The following SIMC1 variants were observed in gnomAD, a reference collection of about 807,000 sequenced individuals.
The protein encoded by SIMC1 is SUMO-interacting motif-containing protein 1.
SIMC1 carries 55 observed loss-of-function variants against 82.3 expected under a neutral mutation model. The ratio of observed to expected loss-of-function variants is 0.67; its 90% CI spans 0.54 to 0.84. The LOEUF is 0.84. SIMC1 is among the 40% of genes least tolerant of loss of function. SIMC1 has a pLI of 0.00. For missense variants in SIMC1, 915 were observed against 1,107.2 expected (o/e 0.83, Z 2.46); for synonymous variants, 353 against 426.3 (o/e 0.83, Z 2.12).
At chr5:176,283,215 A>T (rs1056117689) in intron 1 of SIMC1, among the ~76,000 whole-genome samples, 100 of 152,212 alleles carry the variant, frequency 6.6e-4, no homozygotes, top group African/African-American at 2.3e-3. Flanking sequence ...TCTGAGACAC[A>T]TAATTGTCAG....
intron 4 of SIMC1, among the ~76,000 whole-genome samples, chr5:176,297,036 T>C (rs1289412169): frequency 1.3e-5 from 2 of 152,178 alleles, no homozygotes; most frequent in Non-Finnish European, 2.9e-5. Context: ...CAGAGAGGTC[T>C]TGGATTTAGA....
chr5:176,254,945 AG>A (rs1430800957), intron 1 of SIMC1, among the ~76,000 whole-genome samples: 2 of 152,118 alleles, frequency 1.3e-5, no homozygotes, highest in African/African-American at 4.8e-5. Context: ...CTTAAGAGAA[AG>A]AAAAGGTTTC....
At chr5:176,253,925 A>G (rs1022190352) in intron 1 of SIMC1, among the ~76,000 whole-genome samples, 1 of 152,186 alleles carries the variant, frequency 6.6e-6, no homozygotes, top group Admixed American at 6.5e-5. Flanking sequence ...GAATAAATCA[A>G]ATGACCACGG....
In SIMC1 at chr5:176,300,163, A is replaced by G. The variant is rs1010223285; in HGVS notation, c.1734+3843A>G. ...TGTAAATAAATGCTTGCACTGAAAAAGAAAGATCTCAAACCAACAACCTGA... is the reference window on the plus strand; with the variant it reads ...TGTAAATAAATGCTTGCACTGAAAAGGAAAGATCTCAAACCAACAACCTGA... On this transcript the variant is annotated intron_variant, in intron 4 of 9. Transcript: ENST00000429602. Among the ~76,000 whole-genome samples, 4 of 152,250 alleles carry G rather than the reference A, an allele frequency of 2.6e-5. No homozygotes were observed. The South Asian group carries it at 8.3e-4, about 31-fold the overall frequency.
At chr5:176,307,636 A>G (rs932448320) in intron 4 of SIMC1, among the ~76,000 whole-genome samples, 9 of 152,126 alleles carry the variant, frequency 5.9e-5, no homozygotes, top group Non-Finnish European at 1.3e-4. Context: ...TCCTGACCTC[A>G]TGATCCACCT....
intron 5 of SIMC1, among the ~76,000 whole-genome samples, chr5:176,318,843 A>T (rs551187526): frequency 6.6e-6 from 1 of 152,294 alleles, no homozygotes; most frequent in South Asian, 2.1e-4. Flanking sequence ...GTGGTGGCTC[A>T]CGCCTGTAGT....
rs866460347 is a variant in SIMC1, at chr5:176,304,566, G to C, written c.1734+8246G>C. ...CTACACCTCCCAGCCGCCTGCCTTGGCCTCCCAAAGTGCCGAGATTGCAGC... is the reference window on the plus strand; with the variant it reads ...CTACACCTCCCAGCCGCCTGCCTTGCCCTCCCAAAGTGCCGAGATTGCAGC... On this transcript the variant is annotated intron_variant, in intron 4 of 9. Transcript: ENST00000429602. 2.8e-3 allele frequency: 428 copies of C among 151,088 alleles called. 2 individuals are homozygous for C. The highest frequency in any genetic ancestry group is 0.01 in the Middle Eastern group (3 of 292). The allele number at this position is 151,088 out of a possible 1,614,324, so 9.4% of individuals were successfully genotyped here.
chr5:176,259,192 C>T (rs187862132), intron 1 of SIMC1, among the ~76,000 whole-genome samples: 1 of 152,300 alleles, frequency 6.6e-6, no homozygotes, highest in South Asian at 2.1e-4. Flanking sequence ...TTAGGCTGGG[C>T]ATGGTGGCTC....
chr5:176,280,729 A>C (rs552744019), intron 1 of SIMC1, among the ~76,000 whole-genome samples: 1 of 151,920 alleles, frequency 6.6e-6, no homozygotes, highest in South Asian at 2.1e-4. Context: ...TTCTGGGTTG[A>C]AAATTCTTTA....
intron 1 of SIMC1, among the ~76,000 whole-genome samples, chr5:176,249,136 TC>T (rs1561669769): frequency 6.6e-6 from 1 of 152,016 alleles, no homozygotes; most frequent in Non-Finnish European, 1.5e-5. Flanking sequence ...TAGGGAGGAG[TC>T]CCTCATTTTC....
At chr5:176,250,677 A>G (rs1457818400) in intron 1 of SIMC1, among the ~76,000 whole-genome samples, 1 of 152,152 alleles carries the variant, frequency 6.6e-6, no homozygotes, top group Non-Finnish European at 1.5e-5. Flanking sequence ...TAGGATAGTT[A>G]GCGCTTCTTG....
chr5:176,253,300 A>T (rs1291014594), intron 1 of SIMC1, among the ~76,000 whole-genome samples: 2 of 151,704 alleles, frequency 1.3e-5, no homozygotes, highest in Non-Finnish European at 2.9e-5. Flanking sequence ...TGCCCTTAAT[A>T]TTTTTTCCTT....
In SIMC1 at chr5:176,296,269, C is replaced by T. The variant is rs766817184; in HGVS notation, c.1683C>T (p.Ala561=). Residue 561 remains alanine, a synonymous_variant, in exon 4 of 10, where the codon GCC becomes GCT. Transcript: ENST00000429602. The part of the protein sequence containing the change: ...MKIQQLHPAN[A]KTVEWDWKLL... ...CTTTCAGGCTACATCCAGCCAATGC[C>T]AAGACAGTGGAGTGGGACTGGAAAC... 10 of 1,613,212 alleles carry T rather than the reference C, an allele frequency of 6.2e-6. No homozygotes were observed. In the African/African-American group the frequency reaches 6.7e-5, roughly 11 times the overall value.
chr5:176,330,884 T>C (rs193210085), intron 7 of SIMC1, among the ~76,000 whole-genome samples: 18 of 152,168 alleles, frequency 1.2e-4, no homozygotes, highest in Admixed American at 1.2e-3. Flanking sequence ...AAGGGAAAAA[T>C]AGCAACTTTA....
rs1561697442 is a variant in SIMC1, at chr5:176,290,003, A to C, written c.479A>C (p.Asn160Thr). Reference protein sequence around the residue: ...SGGSVYPTEPNCSSATFTGNL... With the variant: ...SGGSVYPTEPTCSSATFTGNL... ...GGCTCTGTTTATCCAACAGAGCCTA[A>C]TTGTAGCTCAGCCACATTCACAGGT... Residue 160 changes from asparagine to threonine, a missense_variant, in exon 2 of 10, where the codon AAT (asparagine) becomes ACT (threonine). Asn to Thr is a moderately conservative substitution (Grantham distance 65). Around this residue, in one of 2 missense-constraint regions of SIMC1, gnomAD observed 902 missense variants for 1,040.3 expected, o/e 0.87. Coordinates refer to ENST00000429602, the MANE Select transcript of SIMC1 (RefSeq NM_001308195.2). The C allele has an allele frequency of 1.2e-6, 2 of 1,613,780 alleles. No individual in the cohort carries two copies. Among genetic ancestry groups the C allele is most frequent in the Admixed American group, 3.3e-5 (2 of 60,006 alleles).
At chr5:176,284,733 T>A (rs146180207) in intron 1 of SIMC1, among the ~76,000 whole-genome samples, 2 of 151,624 alleles carry the variant, frequency 1.3e-5, no homozygotes, top group Non-Finnish European at 2.9e-5. Context: ...AATCAATGAA[T>A]CTAGGAGCTG....
At position 176,280,943 on chromosome 5, in the gene SIMC1, C is replaced by T. The variant is rs566167514; in HGVS notation, c.130-8711C>T. 2.9e-3 allele frequency among the ~76,000 whole-genome samples: 440 copies of T among 152,182 alleles called. 1 individual carries two copies. Among genetic ancestry groups the T allele is most frequent in the Non-Finnish European group, 4.0e-3 (271 of 68,016 alleles). ...CTCTTCTCAAGGAGTATCTTTGTGGCGTTCTCTGTATTTCCTGAATCTGAA... is the reference window on the plus strand; with the variant it reads ...CTCTTCTCAAGGAGTATCTTTGTGGTGTTCTCTGTATTTCCTGAATCTGAA... On this transcript the variant is annotated intron_variant, in intron 1 of 9. Transcript: ENST00000429602.
chr5:176,287,626 T>A (rs918206213), intron 1 of SIMC1, among the ~76,000 whole-genome samples: 2 of 144,466 alleles, frequency 1.4e-5, no homozygotes, highest in African/African-American at 5.2e-5. Context: ...ACTTAAAATA[T>A]AATAATTTTT....
At chr5:176,257,875 T>C (rs753368383) in intron 1 of SIMC1, among the ~76,000 whole-genome samples, 6 of 152,184 alleles carry the variant, frequency 3.9e-5, no homozygotes, top group Non-Finnish European at 7.3e-5. Flanking sequence ...CTCTGACCTC[T>C]ACCCGCTAGA....
Sources: allele counts gnomAD v4.1 joint callset (sites outside exome capture counted in the v4.1 genomes callset), GRCh38; gene constraint gnomAD v4.1.1; regional missense constraint gnomAD v4.1.1; transcripts MANE v1.5; gene names NCBI Gene and HGNC (gene_info 2026-07-23, HGNC 2026-07-21).